CCT2: variants seen among roughly 807,000 people sequenced by gnomAD.
The protein encoded by CCT2 is chaperonin containing TCP1 subunit 2, also known as T-complex protein 1 subunit beta.
CCT2 carries 18 observed loss-of-function variants against 61.8 expected under a neutral mutation model. The ratio of observed to expected loss-of-function variants is 0.29; its 90% CI spans 0.20 to 0.43. CCT2 has a LOEUF of 0.43. Ranked by LOEUF, CCT2 falls within the 20% of genes least tolerant of loss-of-function variation. The pLI is 1.00. For missense variants in CCT2, 556 were observed against 656.9 expected, an observed-to-expected ratio of 0.85 and a Z score of 1.68; for synonymous variants, 248 against 215.9, an observed-to-expected ratio of 1.15 and a Z score of -1.30.
chr12:69,589,546 A>C lies in CCT2; in HGVS notation c.508A>C (p.Lys170Gln). The C allele has an allele frequency of 1.9e-6, 3 of 1,614,142 alleles. No homozygotes were observed. The highest frequency in any genetic ancestry group is 2.5e-6 in the Non-Finnish European group (3 of 1,179,994). The change falls in exon 7 of 16, where the codon AAA (lysine) becomes CAA (glutamine). Residue 170 changes from lysine to glutamine, a missense_variant. By Grantham distance (53) the Lys-to-Gln change is moderately conservative. Around this residue, in one of 3 missense-constraint regions of CCT2, gnomAD observed 308 missense variants for 350.6 expected, o/e 0.88. Transcript: ENST00000299300. Reference protein sequence around the residue: ...MNIAGTTLSSKLLTHHKDHFT... With the variant: ...MNIAGTTLSSQLLTHHKDHFT... ...TATTGCGGGCACAACATTATCCTCA[A>C]AACTTCTTACTCATCACAAAGACCA...
At chr12:69,585,917 CCG>C in intron 1 of CCT2, 1 of 1,266,988 alleles carries the variant, frequency 7.9e-7, no homozygotes, top group Non-Finnish European at 1.0e-6. Flanking sequence ...AAGATGGAGG[CCG>C]CGTTCCCTCG....
At position 69,593,619 on chromosome 12, in the gene CCT2, GA is replaced by G. The variant is rs1296270184; in HGVS notation, c.982+12del. The G allele has an allele frequency of 7.7e-6, 12 of 1,557,120 alleles. No homozygotes were observed. Among genetic ancestry groups the G allele is most frequent in the African/African-American group, 2.7e-5 (2 of 73,366 alleles). On this transcript the variant is annotated splice_region_variant and intron_variant, in intron 10 of 15. Transcript: ENST00000299300. Reference sequence around the variant, plus strand: ...ACGCCTAGCTCTTGTCACAGGTATGGAAAAAAGGTATTGTTTTCTAACAAAC... The same window carrying G: ...ACGCCTAGCTCTTGTCACAGGTATGGAAAAAGGTATTGTTTTCTAACAAAC...
At chr12:69,585,685 C>G (rs955930696) in intron 1 of CCT2, 161 bp downstream of exon 1, 33 of 1,511,500 alleles carry the variant, frequency 2.2e-5, no homozygotes, top group Admixed American at 1.0e-4. Flanking sequence ...CTGCGCCAGG[C>G]CAGCCGGTGG....
At chr12:69,586,182 T>C in intron 1 of CCT2, 88 bp from the exon 2 acceptor site, 1 of 1,161,718 alleles carries the variant, frequency 8.6e-7, no homozygotes, top group African/African-American at 1.5e-5. Flanking sequence ...CTCTTAGATG[T>C]CCACTTGTAA....
chr12:69,590,841 T>G (rs1881814555), intron 7 of CCT2, among the ~76,000 whole-genome samples: 1 of 151,628 alleles, frequency 6.6e-6, no homozygotes, highest in Non-Finnish European at 1.5e-5. Flanking sequence ...CTCAGCCTCC[T>G]GAGTAGGTGG....
chr12:69,596,904 A>G (rs1018639415), intron 10 of CCT2, among the ~76,000 whole-genome samples: 2 of 152,214 alleles, frequency 1.3e-5, no homozygotes, highest in African/African-American at 4.8e-5. Flanking sequence ...TTGGATAGGA[A>G]GGTAAACCTC....
chr12:69,585,860 G>A (rs1428439660), intron 1 of CCT2: 2 of 1,307,418 alleles, frequency 1.5e-6, no homozygotes, highest in African/African-American at 3.0e-5. Flanking sequence ...GGAGCGACGG[G>A]GTCTGAGCCA....
At position 69,601,270 on chromosome 12, in the gene CCT2, A is replaced by G. The variant is rs183263860; in HGVS notation, c.1578-25A>G. On this transcript the variant is annotated intron_variant, in intron 15 of 15. Transcript: ENST00000299300. ...AAAATCATGCTCTTCATTTTTCACT[A>G]TTGACTTTTTTCTTACTCTCATAGG... 22 of 1,574,762 alleles carry G rather than the reference A, an allele frequency of 1.4e-5. No individual in the cohort carries two copies. In the East Asian group the frequency reaches 2.2e-4, roughly 16 times the overall value.
chr12:69,593,713 AGC>A (rs1329365598), intron 10 of CCT2, 100 bp downstream of exon 10: 1 of 676,408 alleles, frequency 1.5e-6, no homozygotes, highest in Non-Finnish European at 2.6e-6. Flanking sequence ...TTAGAATTTC[AGC>A]AGTTATTCTG....
intron 2 of CCT2, 105 bp downstream of exon 2, chr12:69,586,449 A>C (rs1881660681): frequency 1.2e-6 from 1 of 816,686 alleles, no homozygotes; most frequent in South Asian, 1.4e-5. Context: ...AGGCGGATGA[A>C]CTGAGGTCAG....
chr12:69,586,229 AT>A, intron 1 of CCT2, 40 bp from the exon 2 acceptor site: 1 of 1,428,780 alleles, frequency 7.0e-7, no homozygotes, highest in Non-Finnish European at 9.9e-7. Flanking sequence ...GTGTTAGAGT[AT>A]TGGTACTTAA....
intron 9 of CCT2, among the ~76,000 whole-genome samples, chr12:69,593,304 A>G (rs924296823): frequency 4.6e-5 from 7 of 152,262 alleles, no homozygotes; most frequent in African/African-American, 1.7e-4. Context: ...TACAGTTACT[A>G]TAATAAAGAA....
rs955795344 is a variant in CCT2 at position 69,600,110 on chromosome 12, G to C, written c.1577+106G>C. The stretch of plus-strand genomic sequence containing the variant: ...ATGAAAAGCAGAGACAGTTTTGCCT[G>C]GATAAAAGTATGTAAGTTATTTAAA... On this transcript the variant is annotated intron_variant, in intron 15 of 15. Coordinates refer to ENST00000299300, the MANE Select transcript of CCT2 (RefSeq NM_006431.3). 2.5e-5 allele frequency: 26 copies of C among 1,052,832 alleles called. No individual in the cohort carries two copies. The Admixed American group carries it at 7.7e-4, about 31-fold the overall frequency. 65.2% of individuals were successfully genotyped at this position (1,052,832 alleles called of 1,614,324 possible).
At position 69,599,995 on chromosome 12, in the gene CCT2, C is replaced by G. The variant is rs752254462; in HGVS notation, c.1568C>G (p.Ala523Gly). 15 of 1,610,718 alleles carry G rather than the reference C, an allele frequency of 9.3e-6. No homozygotes were observed. The highest frequency in any genetic ancestry group is 1.3e-5 in the Non-Finnish European group (15 of 1,178,560). Residue 523 changes from alanine to glycine, a missense_variant, in exon 15 of 16, where the codon GCG becomes GGG. This residue lies in a region of CCT2 where 225 missense variants were observed against 249.8 expected (regional missense o/e 0.90). Transcript: ENST00000299300. Reference sequence around the variant, plus strand: ...CTGCGTGTGGACAACATCATCAAAGCGGCACCCAGGTACCCTAACACTTTT... The same window carrying G: ...CTGCGTGTGGACAACATCATCAAAGGGGCACCCAGGTACCCTAACACTTTT... ...VILRVDNIIK[A>G]APRKRVPDHH... is the part of the protein sequence containing the mutation.
intron 14 of CCT2, among the ~76,000 whole-genome samples, chr12:69,599,198 T>G (rs1407926822): frequency 2.6e-5 from 4 of 152,098 alleles, no homozygotes; most frequent in Non-Finnish European, 5.9e-5. Flanking sequence ...CAGTTCTCCT[T>G]CCTCAGCCTT....
At chr12:69,591,592 A>G (rs1266192550) in intron 7 of CCT2, among the ~76,000 whole-genome samples, 3 of 152,340 alleles carry the variant, frequency 2.0e-5, no homozygotes, top group Non-Finnish European at 4.4e-5. Flanking sequence ...GGTGTAGCGT[A>G]TATCTGAAAC....
chr12:69,598,383 G>T lies in CCT2; in HGVS notation c.1397G>T (p.Arg466Met). 6.2e-7 allele frequency: 1 copy of T among 1,603,878 alleles called. No individual in the cohort carries two copies. The highest frequency in any genetic ancestry group is 8.5e-7 in the Non-Finnish European group (1 of 1,175,464). The change falls in exon 14 of 16, where the codon AGG becomes ATG. Residue 466 changes from arginine (R) to methionine (M), a missense_variant. This residue lies in a region of CCT2 where 225 missense variants were observed against 249.8 expected (regional missense o/e 0.90). Coordinates refer to ENST00000299300, the MANE Select transcript of CCT2 (RefSeq NM_006431.3). ...YDSADLVAQL[R>M]AAHSEGNTTA... ...AGTGCAGACCTGGTGGCACAGCTCAGGGCTGCTCACAGTGAAGGCAATACC... is the reference window on the plus strand; with the variant it reads ...AGTGCAGACCTGGTGGCACAGCTCATGGCTGCTCACAGTGAAGGCAATACC...
chr12:69,585,560 G>A lies in CCT2; in HGVS notation c.3+36G>A, dbSNP rs770481913. On this transcript the variant is annotated intron_variant, in intron 1 of 15. Transcript: ENST00000299300. The stretch of plus-strand genomic sequence containing the variant: ...CTCCCCTGCCTCTTGCCCTACCCCT[G>A]CTCCGCCGTGCTCTTGCCACCCCAC... 6.7e-5 allele frequency: 105 copies of A among 1,564,334 alleles called. 1 individual carries two copies. The Middle Eastern group carries it at 1.0e-3, about 15-fold the overall frequency.
At chr12:69,586,942 T>C in intron 3 of CCT2, 124 bp downstream of exon 3, 1 of 588,180 alleles carries the variant, frequency 1.7e-6, no homozygotes, top group Non-Finnish European at 2.8e-6. Context: ...GACAAGTATG[T>C]TCTCCTTAGT....
Sources: allele counts gnomAD v4.1 joint callset (sites outside exome capture counted in the v4.1 genomes callset), GRCh38; gene constraint gnomAD v4.1.1; regional missense constraint gnomAD v4.1.1; transcripts MANE v1.5; gene names NCBI Gene and HGNC (gene_info 2026-07-23, HGNC 2026-07-21).